The following WNK2 variants were observed in gnomAD, a reference collection of about 807,000 sequenced individuals.
The protein encoded by WNK2 is serine/threonine-protein kinase WNK2.
A neutral mutation model predicts 192.1 loss-of-function variants in WNK2; 67 were observed. That is an observed-to-expected ratio of 0.35 (90% CI 0.29 to 0.43). WNK2 has a LOEUF of 0.43. WNK2 is among the 20% of genes least tolerant of loss of function. The pLI is 1.00. For synonymous variants in WNK2, 1,439 were observed against 1,393.9 expected (o/e 1.03, Z -0.72); for missense variants, 2,698 against 3,089.7 (o/e 0.87, Z 3.01).
intron 24 of WNK2, among the ~76,000 whole-genome samples, chr9:93,298,766 C>T (rs1425330992): frequency 1.3e-5 from 2 of 152,212 alleles, no homozygotes; most frequent in African/African-American, 4.8e-5. Flanking sequence ...AGAGACAGTT[C>T]CCAGAGCTAA....
At chr9:93,295,413 A>T (rs1374020381) in intron 23 of WNK2, among the ~76,000 whole-genome samples, 1 of 151,896 alleles carries the variant, frequency 6.6e-6, no homozygotes, top group Non-Finnish European at 1.5e-5. Flanking sequence ...TTTTATTTTT[A>T]TTTATTTATT....
At chr9:93,200,512 C>T (rs374087666) in intron 2 of WNK2, among the ~76,000 whole-genome samples, 1 of 152,256 alleles carries the variant, frequency 6.6e-6, no homozygotes, top group African/African-American at 2.4e-5. Flanking sequence ...GGCAATTCGA[C>T]GCCTACCCTG....
intron 2 of WNK2, among the ~76,000 whole-genome samples, chr9:93,209,950 A>G (rs936540616): frequency 1.3e-5 from 2 of 152,110 alleles, no homozygotes; most frequent in African/African-American, 4.8e-5. Flanking sequence ...GCCTGTGGGC[A>G]CCAAGATCAT....
chr9:93,291,407 A>G (rs888907930), intron 21 of WNK2, among the ~76,000 whole-genome samples: 11 of 152,192 alleles, frequency 7.2e-5, no homozygotes, highest in Non-Finnish European at 1.5e-4. Context: ...CTAGTTTGGC[A>G]AAAGTGACCT....
At chr9:93,264,061 C>A in intron 16 of WNK2, 28 bp downstream of exon 16, 2 of 1,562,088 alleles carry the variant, frequency 1.3e-6, no homozygotes, top group Non-Finnish European at 1.8e-6. Context: ...TGGCTTGGCT[C>A]CCGGTGTTTC....
At chr9:93,192,224 G>T (rs1830453145) in intron 2 of WNK2, among the ~76,000 whole-genome samples, 1 of 151,278 alleles carries the variant, frequency 6.6e-6, no homozygotes, top group African/African-American at 2.4e-5. Context: ...TGAGGCAAGA[G>T]AATCGCTTGA....
At position 93,292,365 on chromosome 9, in the gene WNK2, C is replaced by T. The variant is rs749371134; in HGVS notation, c.4994C>T (p.Ser1665Leu). The change falls in exon 22 of 30, where the codon TCA becomes TTA. Residue 1665 changes from serine (S) to leucine (L), a missense_variant. Physicochemically the swap from Ser to Leu is moderately radical, Grantham distance 145 (BLOSUM62 -2). This residue lies in a region of WNK2 where 1,098 missense variants were observed against 1,101.0 expected (regional missense o/e 1.00). Transcript: ENST00000427277. ...GACAGAGATGGAAGGCAGGTGGCCT[C>T]AGACTCCCATGTGGTCCCCAGCGTC... Reference protein sequence around the residue: ...GYDRDGRQVASDSHVVPSVPQ... With the variant: ...GYDRDGRQVALDSHVVPSVPQ... The T allele has an allele frequency of 1.9e-6, 3 of 1,613,990 alleles. No homozygotes were observed. Among genetic ancestry groups the T allele is most frequent in the Non-Finnish European group, 2.5e-6 (3 of 1,179,902 alleles).
chr9:93,235,920 T>C (rs1331613193), intron 5 of WNK2, among the ~76,000 whole-genome samples: 1 of 152,202 alleles, frequency 6.6e-6, no homozygotes, highest in Non-Finnish European at 1.5e-5. Flanking sequence ...TTACCTGCAT[T>C]TCTGTCCCTT....
intron 27 of WNK2, 69 bp from the exon 28 acceptor site, chr9:93,308,259 C>T (rs530369496): frequency 6.0e-6 from 9 of 1,499,962 alleles, no homozygotes; most frequent in South Asian, 4.0e-5. Context: ...AGAATGAATG[C>T]GGCCAGCCCA....
rs1192437986 is a variant in WNK2, at chr9:93,289,010, G to C, written c.4256G>C (p.Gly1419Ala). 5 of 1,603,128 alleles carry C rather than the reference G, an allele frequency of 3.1e-6. No homozygotes were observed. Among genetic ancestry groups the C allele is most frequent in the Non-Finnish European group, 1.7e-6 (2 of 1,174,842 alleles). The change falls in exon 20 of 30, where the codon GGT becomes GCT. Residue 1419 changes from glycine (G) to alanine (A), a missense_variant. This residue lies in a region of WNK2 where 1,098 missense variants were observed against 1,101.0 expected (regional missense o/e 1.00). Transcript: ENST00000427277. ...TCAGGAACTGCCAGCCAGGCAGGGG[G>C]TCCAGGGACACCTCAGGGGCTGACC... Reference protein sequence around the residue: ...PASGTASQAGGPGTPQGLTSE... With the variant: ...PASGTASQAGAPGTPQGLTSE...
chr9:93,277,990 C>G (rs923709991), intron 19 of WNK2, among the ~76,000 whole-genome samples: 1 of 152,094 alleles, frequency 6.6e-6, no homozygotes, highest in Non-Finnish European at 1.5e-5. Context: ...GAATAATAGT[C>G]TCTAGATTTG....
intron 19 of WNK2, among the ~76,000 whole-genome samples, chr9:93,284,475 CAAAA>C (rs745422901): frequency 1.3e-5 from 2 of 152,012 alleles, no homozygotes; most frequent in Non-Finnish European, 2.9e-5. Flanking sequence ...ACAAACAAAA[CAAAA>C]CCAGCAAATA....
intron 2 of WNK2, among the ~76,000 whole-genome samples, chr9:93,211,211 C>T (rs1390942647): frequency 6.6e-6 from 1 of 150,854 alleles, no homozygotes; most frequent in South Asian, 2.1e-4. Context: ...TTTACTCATT[C>T]AATCACTCAT....
chr9:93,262,784 G>A (rs905095218), intron 14 of WNK2, 65 bp downstream of exon 14: 3 of 1,563,450 alleles, frequency 1.9e-6, no homozygotes, highest in African/African-American at 1.4e-5. Flanking sequence ...CAGCCACTCA[G>A]CCTGGCTCCT....
chr9:93,319,852 C>A (rs924692318), intron 29 of WNK2, among the ~76,000 whole-genome samples: 1 of 152,220 alleles, frequency 6.6e-6, no homozygotes. Flanking sequence ...GCCAGCCCCC[C>A]AGCATCCCAC....
At chr9:93,209,001 C>T (rs1833990191) in intron 2 of WNK2, among the ~76,000 whole-genome samples, 1 of 152,136 alleles carries the variant, frequency 6.6e-6, no homozygotes, top group Non-Finnish European at 1.5e-5. Flanking sequence ...GCAGAGCAGC[C>T]TCATTGTTGA....
At chr9:93,262,939 G>A (rs1844538874) in intron 14 of WNK2, among the ~76,000 whole-genome samples, 3 of 152,226 alleles carry the variant, frequency 2.0e-5, no homozygotes, top group Admixed American at 1.3e-4. Context: ...CCCTGGCTGG[G>A]CTCTGGGTCT....
intron 2 of WNK2, among the ~76,000 whole-genome samples, chr9:93,200,303 T>A (rs1832102431): frequency 6.6e-6 from 1 of 152,210 alleles, no homozygotes; most frequent in South Asian, 2.1e-4. Context: ...ACTTTGTCTG[T>A]CACTGCAGCA....
Position 93,308,420 on chromosome 9 carries a change from A to C in WNK2, c.6352A>C (p.Lys2118Gln). The change falls in exon 28 of 30, where the codon AAG becomes CAG. Residue 2118 changes from lysine to glutamine, a missense_variant. By Grantham distance (53) the Lys-to-Gln change is moderately conservative. This residue lies in a region of WNK2 where 167 missense variants were observed against 184.2 expected (regional missense o/e 0.91). Coordinates refer to ENST00000427277, the MANE Select transcript of WNK2 (RefSeq NM_006648.4). ...GCAGGTGAACAACAGCAACAACAAG[A>C]AGGGTACCTTCACGGACGACCTGCA... Reference protein sequence around the residue: ...QAQVNNSNNKKGTFTDDLHKL... With the variant: ...QAQVNNSNNKQGTFTDDLHKL... The C allele has an allele frequency of 6.2e-7, 1 of 1,604,470 alleles. No homozygotes were observed. Among genetic ancestry groups the C allele is most frequent in the Non-Finnish European group, 8.5e-7 (1 of 1,176,200 alleles).
Sources: allele counts gnomAD v4.1 joint callset (sites outside exome capture counted in the v4.1 genomes callset), GRCh38; gene constraint gnomAD v4.1.1; regional missense constraint gnomAD v4.1.1; transcripts MANE v1.5; gene names NCBI Gene and HGNC (gene_info 2026-07-23, HGNC 2026-07-21).